The following SSC5D variants were observed in gnomAD, a reference collection of about 807,000 sequenced individuals.
The protein encoded by SSC5D is soluble scavenger receptor cysteine-rich domain-containing protein SSC5D.
A neutral mutation model predicts 104.6 loss-of-function variants in SSC5D; 106 were observed. The ratio of observed to expected loss-of-function variants is 1.01; its 90% CI spans 0.87 to 1.19. The LOEUF (loss-of-function observed/expected upper bound fraction) is 1.19, where lower values mean the gene tolerates loss of function less well. SSC5D is among the 50% of genes most tolerant of loss of function. SSC5D has a pLI of 0.00. For synonymous variants in SSC5D, 860 were observed against 883.5 expected (o/e 0.97, Z 0.47); for missense variants, 1,993 against 2,153.8 (o/e 0.93, Z 1.48).
At chr19:55,515,740 AAAT>A in intron 13 of SSC5D, among the ~76,000 whole-genome samples, 2 of 149,912 alleles carry the variant, frequency 1.3e-5, no homozygotes. Context: ...TCAAAAAAAA[AAAT>A]AAAATAAAAT....
At chr19:55,498,309 G>A (rs1285973632) in intron 9 of SSC5D, 112 bp downstream of exon 9, 1 of 1,175,798 alleles carries the variant, frequency 8.5e-7, no homozygotes, top group Non-Finnish European at 1.2e-6. Flanking sequence ...GCCCTGTGCT[G>A]GGTGTTTTTG....
At chr19:55,501,980 G>A (rs1987516536) in intron 12 of SSC5D, among the ~76,000 whole-genome samples, 2 of 151,980 alleles carry the variant, frequency 1.3e-5, no homozygotes, top group South Asian at 4.1e-4. Flanking sequence ...TCAGCTCACT[G>A]CAGCCTTGAC....
intron 6 of SSC5D, among the ~76,000 whole-genome samples, chr19:55,493,318 G>A (rs531015535): frequency 6.6e-6 from 1 of 152,292 alleles, no homozygotes; most frequent in South Asian, 2.1e-4. Context: ...TCTAGGATCC[G>A]AGGGGCCAGG....
rs1987432242 is a variant in SSC5D, at chr19:55,499,998, A to C, written c.1888A>C (p.Lys630Gln). The C allele has an allele frequency of 6.4e-7, 1 of 1,551,768 alleles. No homozygotes were observed. The highest frequency in any genetic ancestry group is 1.4e-5 in the African/African-American group (1 of 72,974). The change falls in exon 10 of 14, where the codon AAG (lysine) becomes CAG (glutamine). Residue 630 changes from lysine (K) to glutamine (Q), a missense_variant. Transcript: ENST00000389623. ...AGGGAAAATGCCTAAGAGTACTAAG[A>C]AGTGGGTGACAAAAAATGCAAAGAG... ...APGKMPKSTK[K>Q]WVTKNAKRPT...
chr19:55,517,373 C>G lies in SSC5D; in HGVS notation c.3097C>G (p.His1033Asp). The G allele has an allele frequency of 1.9e-6, 3 of 1,550,618 alleles. No individual in the cohort carries two copies. The highest frequency in any genetic ancestry group is 2.6e-6 in the Non-Finnish European group (3 of 1,146,916). The change falls in exon 14 of 14, where the codon CAC becomes GAC. Residue 1033 changes from histidine (H) to aspartate (D), a missense_variant. Transcript: ENST00000389623. ...TGACTCCAGTCGAGAGCTCACTCCC[C>G]ACTCAGCCTTGACGTCCGAGGCGAC... ...TSDSSRELTP[H>D]SALTSEATSD...
In SSC5D at chr19:55,518,709, C is replaced by T. The variant is rs1412464891; in HGVS notation, c.4433C>T (p.Pro1478Leu). The T allele has an allele frequency of 1.2e-5, 19 of 1,550,974 alleles. No individual in the cohort carries two copies. The highest frequency in any genetic ancestry group is 1.5e-5 in the Non-Finnish European group (17 of 1,146,882). Residue 1478 changes from proline to leucine, a missense_variant, in exon 14 of 14, where the codon CCA becomes CTA. By Grantham distance (98) the Pro-to-Leu change is moderately conservative (BLOSUM62 -3). Coordinates refer to ENST00000389623, the MANE Select transcript of SSC5D (RefSeq NM_001144950.2). ...GPHGPCVAPT[P>L]PVRVMACEPP... ...CATGGTCCATGTGTGGCCCCAACAC[C>T]ACCTGTAAGGGTCATGGCTTGTGAG... is the stretch of plus-strand genomic sequence containing the variant.
chr19:55,518,617 C>A lies in SSC5D; in HGVS notation c.4341C>A (p.His1447Gln), dbSNP rs1002780490. The A allele has an allele frequency of 3.3e-6, 5 of 1,529,336 alleles. No homozygotes were observed. In the Admixed American group the frequency reaches 1.0e-4, roughly 31 times the overall value. The allele number at this position is 1,529,336 out of a possible 1,614,324, so 94.7% of individuals were successfully genotyped here. ...ACCCCCTCCTTTCCCCCACAGCCCA[C>A]CCCTTGGATCATCCTCCCCTTGACC... ...SPDPLLSPTA[H>Q]PLDHPPLDPL... The change falls in exon 14 of 14, where the codon CAC becomes CAA. Residue 1447 changes from histidine to glutamine, a missense_variant. By Grantham distance (24) the His-to-Gln change is conservative. Around this residue, in one of 6 missense-constraint regions of SSC5D, gnomAD observed 349 missense variants for 397.6 expected, o/e 0.88. Transcript: ENST00000389623.
chr19:55,513,131 G>A lies in SSC5D; in HGVS notation c.2906G>A (p.Ser969Asn). 1.3e-6 allele frequency: 2 copies of A among 1,537,196 alleles called. No individual in the cohort carries two copies. The highest frequency in any genetic ancestry group is 1.2e-5 in the South Asian group (1 of 82,650). Residue 969 changes from serine to asparagine, a missense_variant, in exon 13 of 14, where the codon AGC becomes AAC. By Grantham distance (46) the Ser-to-Asn change is conservative. Coordinates refer to ENST00000389623, the MANE Select transcript of SSC5D (RefSeq NM_001144950.2). ...GPTLGAGTTR[S>N]PGSPPTLRVH... ...ACTCTTGGGGCTGGCACCACCAGGAGCCCAGGCAGTCCTCCAACTCTGAGA... is the reference window on the plus strand; with the variant it reads ...ACTCTTGGGGCTGGCACCACCAGGAACCCAGGCAGTCCTCCAACTCTGAGA...
chr19:55,496,905 C>A (rs1987341549), intron 8 of SSC5D, among the ~76,000 whole-genome samples: 1 of 152,138 alleles, frequency 6.6e-6, no homozygotes. Flanking sequence ...TGAGCCACTG[C>A]ACCTGGCCCA....
chr19:55,489,352 A>G lies in SSC5D; in HGVS notation c.53-2A>G. The G allele has an allele frequency of 1.4e-6, 2 of 1,443,124 alleles. No homozygotes were observed. The highest frequency in any genetic ancestry group is 9.0e-7 in the Non-Finnish European group (1 of 1,106,454). The allele number at this position is 1,443,124 out of a possible 1,614,324, so 89.4% of individuals were successfully genotyped here. On this transcript the variant is annotated splice_acceptor_variant, in intron 2 of 13. Coordinates refer to ENST00000389623, the MANE Select transcript of SSC5D (RefSeq NM_001144950.2). LOFTEE classifies it high-confidence loss of function. ...AGTCACAGCCATTCCTCCAACCCTCAGAGCGCCTGCGCCTGGCCGATGGCC... is the reference window on the plus strand; with the variant it reads ...AGTCACAGCCATTCCTCCAACCCTCGGAGCGCCTGCGCCTGGCCGATGGCC...
rs780476221 is a variant in SSC5D at position 55,489,506 on chromosome 19, G to C, written c.205G>C (p.Ala69Pro). The C allele has an allele frequency of 6.8e-7, 1 of 1,466,180 alleles. No homozygotes were observed. The highest frequency in any genetic ancestry group is 2.6e-5 in the Admixed American group (1 of 39,072). 90.8% of individuals were successfully genotyped at this position (1,466,180 alleles called of 1,614,324 possible). A position where few individuals can be genotyped will look rare whatever the true frequency, so the allele number is the denominator to read the frequency against. ...RQLGCGGALAAPGGAFFGEGA... is the reference protein window; with the variant it reads ...RQLGCGGALAPPGGAFFGEGA... ...GCTGGGCTGCGGAGGGGCACTGGCC[G>C]CCCCGGGAGGCGCCTTCTTCGGGGA... The change falls in exon 3 of 14, where the codon GCC (alanine) becomes CCC (proline). Residue 69 changes from alanine (A) to proline (P), a missense_variant. Transcript: ENST00000389623.
intron 12 of SSC5D, among the ~76,000 whole-genome samples, chr19:55,511,738 G>C (rs1213951418): frequency 6.6e-6 from 1 of 152,068 alleles, no homozygotes; most frequent in Non-Finnish European, 1.5e-5. Flanking sequence ...GAAGCTGGCA[G>C]GGGCTGGTTA....
chr19:55,515,846 G>T (rs491474), intron 13 of SSC5D, among the ~76,000 whole-genome samples: 151,204 of 152,360 alleles, frequency 0.99, 75,063 homozygotes, highest in Middle Eastern at 1. Context: ...GTATTGGCAC[G>T]GTAGATCACA....
chr19:55,510,410 A>G (rs1032134039), intron 12 of SSC5D, among the ~76,000 whole-genome samples: 3 of 152,244 alleles, frequency 2.0e-5, no homozygotes, highest in South Asian at 2.1e-4. Context: ...GTGCAGTGAC[A>G]TGATCTTGGC....
chr19:55,509,428 T>G (rs1987704758), intron 12 of SSC5D, among the ~76,000 whole-genome samples: 1 of 152,118 alleles, frequency 6.6e-6, no homozygotes, highest in Non-Finnish European at 1.5e-5. Flanking sequence ...GAAGCCATAT[T>G]TGTGACAGCA....
Position 55,497,863 on chromosome 19 carries a change from G to A in SSC5D, c.1388-17G>A. 8.6e-6 allele frequency: 13 copies of A among 1,508,080 alleles called. No homozygotes were observed. Among genetic ancestry groups the A allele is most frequent in the Non-Finnish European group, 1.2e-5 (13 of 1,121,444 alleles). 93.4% of individuals were successfully genotyped at this position (1,508,080 alleles called of 1,614,324 possible). ...CGGCTTCCCCGACTCTAATTCTTTG[G>A]GTCTCTTCTACCCCAGGGTCCCCCC... is the stretch of plus-strand genomic sequence containing the variant. On this transcript the variant is annotated splice_polypyrimidine_tract_variant and intron_variant, in intron 8 of 13. Coordinates refer to ENST00000389623, the MANE Select transcript of SSC5D (RefSeq NM_001144950.2).
Position 55,513,027 on chromosome 19 carries a change from C to T in SSC5D, c.2802C>T (p.Tyr934=). The part of the protein sequence containing the change: ...RLPDTGSKDG[Y]KLPWTWDTPS... ...TCTCTCTAGGCAGCAAAGATGGTTA[C>T]AAGCTTCCCTGGACGTGGGACACAC... is the stretch of plus-strand genomic sequence containing the variant. Residue 934 remains tyrosine, a synonymous_variant, in exon 13 of 14, where the codon TAC becomes TAT. Coordinates refer to ENST00000389623, the MANE Select transcript of SSC5D (RefSeq NM_001144950.2). 2 of 1,552,066 alleles carry T rather than the reference C, an allele frequency of 1.3e-6. No individual in the cohort carries two copies. The highest frequency in any genetic ancestry group is 1.7e-6 in the Non-Finnish European group (2 of 1,147,082).
chr19:55,506,448 G>A (rs977781736), intron 12 of SSC5D, among the ~76,000 whole-genome samples: 1 of 134,850 alleles, frequency 7.4e-6, no homozygotes, highest in Non-Finnish European at 1.5e-5. Context: ...AGGCTGGAGT[G>A]CAGTGGCGTG....
rs1987598733 is a variant in SSC5D at position 55,504,656 on chromosome 19, A to T, written c.2785+3455A>T. The stretch of plus-strand genomic sequence containing the variant: ...GCTGGGATTACAGGCGCACGCCACC[A>T]CACCGGGCTAATTTTTGTATTTTTA... On this transcript the variant is annotated intron_variant, in intron 12 of 13. Coordinates refer to ENST00000389623, the MANE Select transcript of SSC5D (RefSeq NM_001144950.2). Among the ~76,000 whole-genome samples, 3 of 152,084 alleles carry T rather than the reference A, an allele frequency of 2.0e-5. 1 individual carries two copies. In the South Asian group the frequency reaches 6.2e-4, roughly 32 times the overall value.
Sources: allele counts gnomAD v4.1 joint callset (sites outside exome capture counted in the v4.1 genomes callset), GRCh38; gene constraint gnomAD v4.1.1; regional missense constraint gnomAD v4.1.1; transcripts MANE v1.5; gene names NCBI Gene and HGNC (gene_info 2026-07-23, HGNC 2026-07-21).